Variants in AFF1 observed in about 807,000 individuals in gnomAD.
AFF1 encodes ALF transcription elongation factor 1, also known as AF4/FMR2 family member 1.
A neutral mutation model predicts 121.7 loss-of-function variants in AFF1; 48 were observed. That is an observed-to-expected ratio of 0.39 (90% CI 0.31 to 0.50). The LOEUF (loss-of-function observed/expected upper bound fraction) is 0.50, where lower values mean the gene tolerates loss of function less well. Among genes scored for constraint, AFF1 ranks in the 20% least tolerant of loss-of-function variants. The probability of loss-of-function intolerance (pLI) is 0.76; values close to 1 mark genes in which losing one functional copy is unlikely to be tolerated. For synonymous variants in AFF1, 613 were observed against 563.0 expected (o/e 1.09, Z -1.26); for missense variants, 1,523 against 1,511.7 (o/e 1.01, Z -0.12).
chr4:86,979,827 TAGG>T (rs1253359168), intron 2 of AFF1, among the ~76,000 whole-genome samples: 2 of 152,200 alleles, frequency 1.3e-5, no homozygotes, highest in African/African-American at 2.4e-5. Context: ...ATGACTGTAT[TAGG>T]AGAATTTGAC....
chr4:87,126,092 ACTCCAGGCC>A lies in AFF1; in HGVS notation c.2581_2589del (p.Arg861_Ser863del). On this transcript the variant is annotated splice_acceptor_variant and splice_polypyrimidine_tract_variant and coding_sequence_variant and intron_variant, in exon 14 of 21. Coordinates refer to ENST00000395146, the MANE Select transcript of AFF1 (RefSeq NM_001166693.3). LOFTEE classifies it high-confidence loss of function. The stretch of plus-strand genomic sequence containing the variant: ...TCCTCTTAGTTTTACGTGATGTTTC[ACTCCAGGCC>A]CTCCAGGCCCTCCTCACAGTCCTCA... The A allele has an allele frequency of 2.2e-5, 36 of 1,612,992 alleles. No individual in the cohort carries two copies. Among genetic ancestry groups the A allele is most frequent in the Middle Eastern group, 1.6e-4 (1 of 6,084 alleles).
At chr4:86,986,030 T>C (rs917187431) in intron 2 of AFF1, among the ~76,000 whole-genome samples, 10 of 144,046 alleles carry the variant, frequency 6.9e-5, no homozygotes, top group African/African-American at 1.1e-4. Context: ...TTTTAAAATT[T>C]AATTCAATTC....
intron 2 of AFF1, among the ~76,000 whole-genome samples, chr4:86,992,175 TC>T (rs2149507119): frequency 6.6e-6 from 1 of 152,284 alleles, no homozygotes; most frequent in Admixed American, 6.5e-5. Context: ...TTATGGACTC[TC>T]GAGTGCAGGG....
chr4:87,080,354 A>G (rs1410840633), intron 4 of AFF1, among the ~76,000 whole-genome samples: 2 of 152,152 alleles, frequency 1.3e-5, no homozygotes, highest in Admixed American at 6.5e-5. Flanking sequence ...GCTTTTTGTC[A>G]TTTTGTGTTC....
At chr4:87,099,409 C>CT (rs1725192363) in intron 8 of AFF1, among the ~76,000 whole-genome samples, 1 of 150,238 alleles carries the variant, frequency 6.7e-6, no homozygotes, top group Non-Finnish European at 1.5e-5. Flanking sequence ...GTTGATCTCA[C>CT]TTTTTATTTT....
chr4:86,950,884 G>T (rs946430409), intron 2 of AFF1, among the ~76,000 whole-genome samples: 1 of 152,166 alleles, frequency 6.6e-6, no homozygotes, highest in African/African-American at 2.4e-5. Flanking sequence ...TATGGGTTCT[G>T]GCTTGATTGT....
chr4:87,077,832 G>A (rs981814774), intron 4 of AFF1, among the ~76,000 whole-genome samples: 11 of 152,082 alleles, frequency 7.2e-5, no homozygotes, highest in African/African-American at 2.2e-4. Flanking sequence ...TTGTAGTTGC[G>A]TAGCATTTAT....
At chr4:87,121,700 T>G (rs906324836) in intron 12 of AFF1, among the ~76,000 whole-genome samples, 1 of 152,276 alleles carries the variant, frequency 6.6e-6, no homozygotes, top group African/African-American at 2.4e-5. Flanking sequence ...TATAGAATAT[T>G]ATCTGCTTCT....
chr4:87,105,760 T>C (rs773047476), intron 9 of AFF1, 48 bp from the exon 10 acceptor site: 11 of 1,613,906 alleles, frequency 6.8e-6, no homozygotes, highest in Non-Finnish European at 9.3e-6. Context: ...TTCTAACCTG[T>C]TTTTTGTTCT....
Position 87,108,099 on chromosome 4 carries a change from A to G in AFF1, c.1377-60A>G. On this transcript the variant is annotated intron_variant, in intron 10 of 20. Transcript: ENST00000395146. Reference sequence around the variant, plus strand: ...TGAGTAGCAGGAAAATGGGCAAGGGAGAAAGAAGAAATCCACCTTGTATCG... The same window carrying G: ...TGAGTAGCAGGAAAATGGGCAAGGGGGAAAGAAGAAATCCACCTTGTATCG... 6 of 1,575,202 alleles carry G rather than the reference A, an allele frequency of 3.8e-6. No individual in the cohort carries two copies. In the South Asian group the frequency reaches 5.8e-5, roughly 15 times the overall value.
At chr4:87,012,254 T>C (rs1726852584) in intron 2 of AFF1, among the ~76,000 whole-genome samples, 1 of 26,048 alleles carries the variant, frequency 3.8e-5, no homozygotes, top group South Asian at 1.1e-3. Flanking sequence ...ATACATATTT[T>C]AGTAGAGATG....
At chr4:87,051,525 A>G (rs537467323) in intron 4 of AFF1, among the ~76,000 whole-genome samples, 2 of 151,564 alleles carry the variant, frequency 1.3e-5, no homozygotes, top group Non-Finnish European at 2.9e-5. Flanking sequence ...CAATGGCGCA[A>G]TCTTGGCTCA....
intron 4 of AFF1, chr4:87,049,885 T>G (rs185601424): frequency 5.4e-6 from 2 of 372,506 alleles, no homozygotes; most frequent in East Asian, 1.5e-4. Flanking sequence ...AGTGGGGATC[T>G]TGGTGCTCCC....
At chr4:86,940,386 T>G (rs1720364571) in intron 1 of AFF1, among the ~76,000 whole-genome samples, 1 of 151,978 alleles carries the variant, frequency 6.6e-6, no homozygotes, top group Admixed American at 6.6e-5. Flanking sequence ...AAACAGTGGG[T>G]TGTATTAACA....
intron 4 of AFF1, chr4:87,047,799 T>C (rs563989603): frequency 1.3e-6 from 1 of 745,384 alleles, no homozygotes; most frequent in Non-Finnish European, 2.3e-6. Context: ...AAATGCAGTT[T>C]GCAGAAAGGT....
chr4:86,999,739 T>C (rs968221943), intron 2 of AFF1, among the ~76,000 whole-genome samples: 5 of 152,078 alleles, frequency 3.3e-5, no homozygotes, highest in Non-Finnish European at 4.4e-5. Flanking sequence ...TAAAATAAGA[T>C]TGAGTTGCTT....
chr4:87,082,591 G>T (rs1301937129), intron 4 of AFF1, among the ~76,000 whole-genome samples: 3 of 151,930 alleles, frequency 2.0e-5, no homozygotes, highest in Non-Finnish European at 2.9e-5. Context: ...TACGAGACTG[G>T]CTAATTTTTG....
intron 2 of AFF1, among the ~76,000 whole-genome samples, chr4:87,028,082 A>G (rs966710264): frequency 1.3e-5 from 2 of 152,176 alleles, no homozygotes; most frequent in African/African-American, 4.8e-5. Context: ...TCCAAAAAAA[A>G]GAAAAAAAAT....
Position 87,108,195 on chromosome 4 carries a change from A to T in AFF1, c.1413A>T (p.Ala471=). ...CCCTTCCAGAACCAGTGGCATCAGCACATTCCAGCAGTGCAGAGTCAGAAA... is the reference window on the plus strand; with the variant it reads ...CCCTTCCAGAACCAGTGGCATCAGCTCATTCCAGCAGTGCAGAGTCAGAAA... ...PQSLPEPVAS[A]HSSSAESEST... The change falls in exon 11 of 21, where the codon GCA becomes GCT. Residue 471 remains alanine, a synonymous_variant. Coordinates refer to ENST00000395146, the MANE Select transcript of AFF1 (RefSeq NM_001166693.3). 6.2e-7 allele frequency: 1 copy of T among 1,614,152 alleles called. No homozygotes were observed. The highest frequency in any genetic ancestry group is 1.1e-5 in the South Asian group (1 of 91,080).
Sources: gnomAD v4.1 joint callset for allele counts (sites outside exome capture counted in the v4.1 genomes callset) on GRCh38, gnomAD v4.1.1 for gene constraint, MANE v1.5 for transcripts, NCBI Gene and HGNC (gene_info 2026-07-23, HGNC 2026-07-21) for gene names.